EPAS1: variants seen among roughly 807,000 people sequenced by gnomAD.
EPAS1 encodes the protein endothelial PAS domain protein 1.
Under a neutral mutation model 87.9 loss-of-function variants are expected in EPAS1, and 23 were observed. The ratio of observed to expected loss-of-function variants is 0.26; its 90% confidence interval spans 0.19 to 0.37. EPAS1 has a LOEUF of 0.37. Among genes scored for constraint, EPAS1 ranks in the 10% least tolerant of loss-of-function variants. The probability of loss-of-function intolerance (pLI) is 1.00; values close to 1 mark genes in which losing one functional copy is unlikely to be tolerated. For synonymous variants in EPAS1, 508 were observed against 444.3 expected, an observed-to-expected ratio of 1.14 and a Z score of -1.80; for missense variants, 1,138 against 1,120.7, an observed-to-expected ratio of 1.02 and a Z score of -0.22.
At chr2:46,337,046 A>G (rs1488009838) in intron 1 of EPAS1, among the ~76,000 whole-genome samples, 1 of 152,266 alleles carries the variant, frequency 6.6e-6, no homozygotes, top group Non-Finnish European at 1.5e-5. Context: ...TAGAATTCTT[A>G]GGAAAGATCT....
chr2:46,322,449 A>T (rs144784429), intron 1 of EPAS1, among the ~76,000 whole-genome samples: 1 of 152,168 alleles, frequency 6.6e-6, no homozygotes, highest in East Asian at 1.9e-4. Flanking sequence ...AGTGTGCATC[A>T]GAACTGCCTG....
chr2:46,313,145 C>G (rs932782956), intron 1 of EPAS1, among the ~76,000 whole-genome samples: 2 of 152,196 alleles, frequency 1.3e-5, no homozygotes, highest in Non-Finnish European at 1.5e-5. Flanking sequence ...TCCGGTGTTA[C>G]TAGAAGTGGG....
At chr2:46,318,254 A>G (rs757583392) in intron 1 of EPAS1, among the ~76,000 whole-genome samples, 1 of 152,028 alleles carries the variant, frequency 6.6e-6, no homozygotes, top group Non-Finnish European at 1.5e-5. Context: ...CACACACAAC[A>G]TTTATTAAGA....
At chr2:46,382,662 A>T (rs1684927253) in intron 15 of EPAS1, 64 bp downstream of exon 15, 2 of 1,598,792 alleles carry the variant, frequency 1.3e-6, no homozygotes, top group South Asian at 2.2e-5. Flanking sequence ...GCCCACGTCT[A>T]CTTTTTTTCC....
chr2:46,376,170 G>C (rs1379170991), intron 8 of EPAS1, among the ~76,000 whole-genome samples: 1 of 128,204 alleles, frequency 7.8e-6, no homozygotes, highest in East Asian at 2.0e-4. Context: ...TATGCTTTTG[G>C]GAAAAAAAAA....
rs914423428 is a variant in EPAS1, at chr2:46,386,313, T to C, written c.*1653T>C. On this transcript the variant is annotated 3_prime_UTR_variant, in exon 16 of 16. Coordinates refer to ENST00000263734, the MANE Select transcript of EPAS1 (RefSeq NM_001430.5). Reference sequence around the variant, plus strand: ...TATTTAGTAAGCCCGGATAGACTTATTGCCAAAAACAAAAAATAGCTTTCA... The same window carrying C: ...TATTTAGTAAGCCCGGATAGACTTACTGCCAAAAACAAAAAATAGCTTTCA... 2 of 152,568 alleles carry C rather than the reference T, an allele frequency of 1.3e-5. No individual in the cohort carries two copies. Among genetic ancestry groups the C allele is most frequent in the African/African-American group, 2.4e-5 (1 of 41,460 alleles). The allele number at this position is 152,568 out of a possible 1,614,324, so 9.5% of individuals were successfully genotyped here. A position where few individuals can be genotyped will look rare whatever the true frequency, so the allele number is the denominator to read the frequency against.
rs1684363834 is a variant in EPAS1 at position 46,360,517 on chromosome 2, G to C, written c.455-121G>C. 4 of 870,466 alleles carry C rather than the reference G, an allele frequency of 4.6e-6. No homozygotes were observed. In the South Asian group the frequency reaches 5.4e-5, roughly 12 times the overall value. The allele number at this position is 870,466 out of a possible 1,614,324, so 53.9% of individuals were successfully genotyped here. A position where few individuals can be genotyped will look rare whatever the true frequency, so the allele number is the denominator to read the frequency against. ...GTTGATGGCAGACCACAGGTGCTAA[G>C]AGAGCAGATATTTGGAAAATATAAA... is the stretch of plus-strand genomic sequence containing the variant. On this transcript the variant is annotated intron_variant, in intron 4 of 15. Coordinates refer to ENST00000263734, the MANE Select transcript of EPAS1 (RefSeq NM_001430.5). This position sits in a 1 kb window ranked among gnomAD's most constrained non-coding sequence, Gnocchi z 4.5.
chr2:46,303,451 G>A (rs1237851696), intron 1 of EPAS1, among the ~76,000 whole-genome samples: 2 of 152,134 alleles, frequency 1.3e-5, no homozygotes, highest in African/African-American at 4.8e-5. Context: ...CCCCTGAAAT[G>A]GAATGTTTGC....
rs1268504673 is a variant in EPAS1 at position 46,300,205 on chromosome 2, T to C, written c.26+2268T>C. ...AATATGTGAACCAATACATTGAAAG[T>C]TGGTGTTGTCATGTAAGTGACTGCT... On this transcript the variant is annotated intron_variant, in intron 1 of 15. Coordinates refer to ENST00000263734, the MANE Select transcript of EPAS1 (RefSeq NM_001430.5). The surrounding 1 kb of genome is among the most constrained non-coding windows in gnomAD (Gnocchi z 4.1). Among the ~76,000 whole-genome samples the C allele has an allele frequency of 1.3e-5, 2 of 152,154 alleles. No homozygotes were observed. Among genetic ancestry groups the C allele is most frequent in the South Asian group, 2.1e-4 (1 of 4,832 alleles).
At chr2:46,381,832 A>T (rs991715456) in intron 13 of EPAS1, 110 bp downstream of exon 13, 23 of 1,563,654 alleles carry the variant, frequency 1.5e-5, no homozygotes, top group Non-Finnish European at 1.7e-5. Flanking sequence ...CCCTTAGGGA[A>T]CCCAGGGCTG....
chr2:46,381,782 CTGAGAGGGGTGGGGATGTGG>C, intron 13 of EPAS1, 60 bp downstream of exon 13: 1 of 1,607,902 alleles, frequency 6.2e-7, no homozygotes, highest in South Asian at 1.1e-5. Context: ...CCCAGGGCTG[CTGAGAGGGGTGGGGATGTGG>C]CCCTTCCAAG....
At chr2:46,374,847 A>T (rs1007998318) in intron 7 of EPAS1, among the ~76,000 whole-genome samples, 15 of 152,358 alleles carry the variant, frequency 9.8e-5, no homozygotes, top group Admixed American at 7.8e-4. Flanking sequence ...CCCAAGGTAG[A>T]CAACAAAAGC....
chr2:46,322,435 C>G (rs925197371), intron 1 of EPAS1, among the ~76,000 whole-genome samples: 8 of 152,120 alleles, frequency 5.3e-5, no homozygotes, highest in African/African-American at 1.9e-4. Flanking sequence ...GGGTTCCAAA[C>G]CTTAGTGTGC....
chr2:46,381,579 T>G lies in EPAS1; in HGVS notation c.2046-17T>G. ...GGCTCCAGACTCCCTCATAGCCTGC[T>G]CTCTCGGGCTTGGCAGGTCTGCAAA... On this transcript the variant is annotated splice_polypyrimidine_tract_variant and intron_variant, in intron 12 of 15. Coordinates refer to ENST00000263734, the MANE Select transcript of EPAS1 (RefSeq NM_001430.5). The G allele has an allele frequency of 1.2e-6, 2 of 1,613,860 alleles. No homozygotes were observed. Among genetic ancestry groups the G allele is most frequent in the Non-Finnish European group, 8.5e-7 (1 of 1,180,006 alleles).
rs200614414 is a variant in EPAS1, at chr2:46,349,230, T to C, written c.217+2167T>C. 1.6e-4 allele frequency among the ~76,000 whole-genome samples: 24 copies of C among 152,270 alleles called. No individual in the cohort carries two copies. The East Asian group carries it at 4.6e-3, about 29-fold the overall frequency. ...GGAGGTCCTCACACATTCAGAGAGT[T>C]GTCCTGTCCTTCCCCCTAGTGCAGG... On this transcript the variant is annotated intron_variant, in intron 2 of 15. Coordinates refer to ENST00000263734, the MANE Select transcript of EPAS1 (RefSeq NM_001430.5).
intron 1 of EPAS1, among the ~76,000 whole-genome samples, chr2:46,337,515 A>C (rs1317073034): frequency 5.3e-5 from 8 of 152,164 alleles, no homozygotes; most frequent in Non-Finnish European, 1.2e-4. Flanking sequence ...CATGCCGAGG[A>C]ATCCGTTTTA....
Position 46,347,213 on chromosome 2 carries a change from T to C in EPAS1, c.217+150T>C, listed in dbSNP as rs148280013. The C allele has an allele frequency of 6.6e-4, 554 of 836,668 alleles. 2 individuals are homozygous for C. The African/African-American group carries it at 8.5e-3, about 13-fold the overall frequency. 51.8% of individuals were successfully genotyped at this position (836,668 alleles called of 1,614,324 possible). On this transcript the variant is annotated intron_variant, in intron 2 of 15. Coordinates refer to ENST00000263734, the MANE Select transcript of EPAS1 (RefSeq NM_001430.5). The surrounding 1 kb of genome is among the most constrained non-coding windows in gnomAD (Gnocchi z 4.2). ...AACACCATCATGAGTGATTTATTCCTTCATGTTAAACATCTCTCTTCCAGC... is the reference window on the plus strand; with the variant it reads ...AACACCATCATGAGTGATTTATTCCCTCATGTTAAACATCTCTCTTCCAGC...
At chr2:46,337,855 T>A (rs979607885) in intron 1 of EPAS1, among the ~76,000 whole-genome samples, 11 of 148,308 alleles carry the variant, frequency 7.4e-5, no homozygotes, top group East Asian at 2.0e-4. Context: ...AGCACAAACC[T>A]TTTTTTTTTC....
chr2:46,362,072 C>G lies in EPAS1; in HGVS notation c.779+982C>G, dbSNP rs34872821. Among the ~76,000 whole-genome samples the G allele has an allele frequency of 3.3e-5, 5 of 152,096 alleles. No individual in the cohort carries two copies. In the South Asian group the frequency reaches 6.2e-4, roughly 19 times the overall value. On this transcript the variant is annotated intron_variant, in intron 6 of 15. Coordinates refer to ENST00000263734, the MANE Select transcript of EPAS1 (RefSeq NM_001430.5). ...CTGGGGCTTGCTGAGCAGCACCCCC[C>G]GCATGCGCCCTTCCTGGCAGAGATC... is the stretch of plus-strand genomic sequence containing the variant.
Sources: gnomAD v4.1 joint callset for allele counts (sites outside exome capture counted in the v4.1 genomes callset) on GRCh38, gnomAD v4.1.1 for gene constraint, Gnocchi (gnomAD v3.1) non-coding constraint, MANE v1.5 for transcripts, NCBI Gene and HGNC (gene_info 2026-07-23, HGNC 2026-07-21) for gene names.